The following GATA4 variants were observed in gnomAD, a reference collection of about 807,000 sequenced individuals.
GATA4 encodes the protein transcription factor GATA-4.
GATA4 carries 7 observed loss-of-function variants against 37.9 expected under a neutral mutation model. The ratio of observed to expected loss-of-function variants is 0.18; its 90% CI spans 0.11 to 0.35. The LOEUF (loss-of-function observed/expected upper bound fraction) is 0.35, where lower values mean the gene tolerates loss of function less well. GATA4 is among the 10% of genes least tolerant of loss of function. The probability of loss-of-function intolerance (pLI) is 1.00; values close to 1 mark genes in which losing one functional copy is unlikely to be tolerated. For missense variants in GATA4, 647 were observed against 653.0 expected, an observed-to-expected ratio of 0.99 and a Z score of 0.10; for synonymous variants, 372 against 292.6, an observed-to-expected ratio of 1.27 and a Z score of -2.77.
chr8:11,726,546 G>T (rs1800932832), intron 2 of GATA4, among the ~76,000 whole-genome samples: 1 of 152,154 alleles, frequency 6.6e-6, no homozygotes, highest in Non-Finnish European at 1.5e-5. Context: ...GACTCTGAGG[G>T]CTAAGGGCTG....
At chr8:11,717,582 G>T (rs1294286789) in intron 2 of GATA4, among the ~76,000 whole-genome samples, 1 of 152,132 alleles carries the variant, frequency 6.6e-6, no homozygotes, top group Non-Finnish European at 1.5e-5. Flanking sequence ...CCCACACTTT[G>T]TATTTGCCAA....
rs538769106 is a variant in GATA4 at position 11,734,386 on chromosome 8, C to T, written c.617-14530C>T. Among the ~76,000 whole-genome samples the T allele has an allele frequency of 1.6e-4, 25 of 152,366 alleles. 1 individual carries two copies. Among genetic ancestry groups the T allele is most frequent in the Middle Eastern group, 3.4e-3 (1 of 294 alleles). On this transcript the variant is annotated intron_variant, in intron 2 of 6. Transcript: ENST00000532059. Reference sequence around the variant, plus strand: ...AGGAAGCCCAAGATCACGGCACTGGCAGATTGGTGTCTGGTGAGAGACCCA... The same window carrying T: ...AGGAAGCCCAAGATCACGGCACTGGTAGATTGGTGTCTGGTGAGAGACCCA...
At position 11,709,513 on chromosome 8, in the gene GATA4, A is replaced by G. The variant is rs953199948; in HGVS notation, c.616+585A>G. ...AAGGAGACGCCGGGGAGATGCGCGG[A>G]ACAGGAGCCGGCACTGTGCGGGTGC... On this transcript the variant is annotated intron_variant, in intron 2 of 6. Coordinates refer to ENST00000532059, the MANE Select transcript of GATA4 (RefSeq NM_001308093.3). The surrounding 1 kb of genome is among the most constrained non-coding windows in gnomAD (Gnocchi z 4.3). Among the ~76,000 whole-genome samples the G allele has an allele frequency of 6.8e-6, 1 of 145,994 alleles. No individual in the cohort carries two copies. Among genetic ancestry groups the G allele is most frequent in the Non-Finnish European group, 1.5e-5 (1 of 67,054 alleles).
At chr8:11,687,515 T>G (rs1799176367) in intron 1 of GATA4, among the ~76,000 whole-genome samples, 1 of 152,224 alleles carries the variant, frequency 6.6e-6, no homozygotes, top group African/African-American at 2.4e-5. Flanking sequence ...GAATAATTGT[T>G]GTGGTTTATC....
intron 2 of GATA4, among the ~76,000 whole-genome samples, chr8:11,748,304 A>G (rs949708918): frequency 3.9e-5 from 6 of 152,294 alleles, no homozygotes; most frequent in Middle Eastern, 3.4e-3. Context: ...AGGCTGGAGT[A>G]TCGCTTGAGC....
At chr8:11,740,738 C>T (rs528334192) in intron 2 of GATA4, among the ~76,000 whole-genome samples, 33 of 136,698 alleles carry the variant, frequency 2.4e-4, no homozygotes, top group African/African-American at 7.9e-4. Context: ...GTTCCTTTTC[C>T]GTTTTTTTTT....
intron 2 of GATA4, among the ~76,000 whole-genome samples, chr8:11,714,220 T>G (rs1018820655): frequency 6.6e-6 from 1 of 152,246 alleles, no homozygotes; most frequent in African/African-American, 2.4e-5. Flanking sequence ...TTCAAAAAGT[T>G]TGAATCATTT....
chr8:11,692,631 C>T (rs1206754997), exon 1 of GATA4: 2 of 985,238 alleles, frequency 2.0e-6, no homozygotes, highest in South Asian at 4.7e-5. Flanking sequence ...GGACCCGCGG[C>T]CTCTGCGCCT....
chr8:11,708,336 C>A lies in GATA4; in HGVS notation c.24C>A (p.Ala8=). MYQSLAM[A]ANHGPPPGAY... ...CCATGTATCAGAGCTTGGCCATGGC[C>A]GCCAACCACGGGCCGCCCCCCGGTG... Residue 8 remains alanine (A), a synonymous_variant, in exon 2 of 7, where the codon GCC becomes GCA. Coordinates refer to ENST00000532059, the MANE Select transcript of GATA4 (RefSeq NM_001308093.3). The surrounding 1 kb of genome is among the most constrained non-coding windows in gnomAD (Gnocchi z 6.7). 2.5e-6 allele frequency: 4 copies of A among 1,584,398 alleles called. No individual in the cohort carries two copies. Among genetic ancestry groups the A allele is most frequent in the South Asian group, 1.1e-5 (1 of 88,614 alleles).
Position 11,707,619 on chromosome 8 carries a change from C to A in GATA4, c.-457-237C>A, listed in dbSNP as rs969965856. On this transcript the variant is annotated intron_variant, in intron 1 of 6. Coordinates refer to ENST00000532059, the MANE Select transcript of GATA4 (RefSeq NM_001308093.3). This position sits in a 1 kb window ranked among gnomAD's most constrained non-coding sequence, Gnocchi z 4.7. ...AACCAATAACTGCACACCAAAGACC[C>A]GGGAAGCCCCTGGTCCCTGGGGCGC... Among the ~76,000 whole-genome samples the A allele has an allele frequency of 6.6e-6, 1 of 152,176 alleles. No individual in the cohort carries two copies. Among genetic ancestry groups the A allele is most frequent in the African/African-American group, 2.4e-5 (1 of 41,430 alleles).
rs1174879142 is a variant in GATA4 at position 11,707,176 on chromosome 8, A to G, written c.-457-680A>G. 1.3e-5 allele frequency among the ~76,000 whole-genome samples: 2 copies of G among 152,182 alleles called. No individual in the cohort carries two copies. The highest frequency in any genetic ancestry group is 4.8e-5 in the African/African-American group (2 of 41,446). On this transcript the variant is annotated intron_variant, in intron 1 of 6. Transcript: ENST00000532059. This position sits in a 1 kb window ranked among gnomAD's most constrained non-coding sequence, Gnocchi z 4.7. ...GATATACAATTTGCAAAACGTCTAAATTGTAACTATTTGCAAGAAACCTGT... is the reference window on the plus strand; with the variant it reads ...GATATACAATTTGCAAAACGTCTAAGTTGTAACTATTTGCAAGAAACCTGT...
chr8:11,697,778 A>T, intron 1 of GATA4: 3 of 984,830 alleles, frequency 3.0e-6, no homozygotes, highest in Non-Finnish European at 3.6e-6. Context: ...GTCTTCTCCA[A>T]CTCCGGGTCA....
chr8:11,679,295 C>T (rs1798879241), intron 1 of GATA4, among the ~76,000 whole-genome samples: 1 of 150,008 alleles, frequency 6.7e-6, no homozygotes, highest in Non-Finnish European at 1.5e-5. Flanking sequence ...GGCAATTTTT[C>T]TGAAGGTTCT....
intron 1 of GATA4, chr8:11,692,976 G>T (rs544357694): frequency 1.0e-6 from 1 of 985,260 alleles, no homozygotes; most frequent in South Asian, 4.7e-5. Flanking sequence ...CGGCCCCGCG[G>T]CCATCCATCA....
At chr8:11,715,340 AT>A (rs1800390309) in intron 2 of GATA4, among the ~76,000 whole-genome samples, 1 of 152,170 alleles carries the variant, frequency 6.6e-6, no homozygotes, top group Non-Finnish European at 1.5e-5. Flanking sequence ...AACTTTTTGA[AT>A]TTTTTAACCA....
At chr8:11,720,064 G>C (rs958832645) in intron 2 of GATA4, among the ~76,000 whole-genome samples, 8 of 151,910 alleles carry the variant, frequency 5.3e-5, no homozygotes, top group Non-Finnish European at 1.0e-4. Flanking sequence ...GGAGGTGAAA[G>C]CACATTGGTC....
chr8:11,738,953 T>G (rs1801590434), intron 2 of GATA4, among the ~76,000 whole-genome samples: 1 of 152,254 alleles, frequency 6.6e-6, no homozygotes, highest in Non-Finnish European at 1.5e-5. Context: ...TGGCTGGGAC[T>G]GTACCCCGAA....
intron 2 of GATA4, among the ~76,000 whole-genome samples, chr8:11,722,683 T>C (rs555269614): frequency 6.6e-6 from 1 of 152,326 alleles, no homozygotes; most frequent in South Asian, 2.1e-4. Context: ...ACATTGAACA[T>C]ATTCCTCTGT....
intron 5 of GATA4, chr8:11,756,435 C>T (rs763702157): frequency 9.7e-5 from 21 of 217,512 alleles, no homozygotes; most frequent in South Asian, 5.4e-4. Flanking sequence ...AGAAGACATA[C>T]GGTTCAGGCG....
Sources: allele counts gnomAD v4.1 joint callset (sites outside exome capture counted in the v4.1 genomes callset), GRCh38; gene constraint gnomAD v4.1.1; non-coding constraint Gnocchi (gnomAD v3.1); transcripts MANE v1.5; gene names NCBI Gene and HGNC (gene_info 2026-07-23, HGNC 2026-07-21).